Variants in SETBP1 observed in about 807,000 individuals in gnomAD.
SETBP1 encodes SET binding protein 1.
Under a neutral mutation model 101.0 loss-of-function variants are expected in SETBP1, and 9 were observed. That is an observed-to-expected ratio of 0.09 (90% CI 0.05 to 0.16). The LOEUF is 0.16. Among genes scored for constraint, SETBP1 ranks in the 10% least tolerant of loss-of-function variants. SETBP1 has a pLI of 1.00. For missense variants in SETBP1, 1,858 were observed against 2,033.8 expected (o/e 0.91, Z 1.66); for synonymous variants, 818 against 788.5 (o/e 1.04, Z -0.63).
intron 1 of SETBP1, among the ~76,000 whole-genome samples, chr18:44,697,981 T>C (rs2069048677): frequency 6.6e-6 from 1 of 152,204 alleles, no homozygotes; most frequent in Admixed American, 6.5e-5. Context: ...TTTTAAAAAA[T>C]ACAGAAAGAA....
chr18:44,810,276 G>A (rs751940263), intron 2 of SETBP1, among the ~76,000 whole-genome samples: 1 of 152,196 alleles, frequency 6.6e-6, no homozygotes, highest in Admixed American at 6.5e-5. Context: ...TCTACCTGGC[G>A]CAGGCCCTCC....
At chr18:44,742,965 C>T (rs905921720) in intron 2 of SETBP1, among the ~76,000 whole-genome samples, 47 of 139,604 alleles carry the variant, frequency 3.4e-4, no homozygotes, top group Admixed American at 3.1e-3. Context: ...CTCTCTCTCT[C>T]TCTCTCCCCC....
intron 3 of SETBP1, among the ~76,000 whole-genome samples, chr18:44,876,133 A>G (rs547324767): frequency 2.6e-4 from 40 of 152,314 alleles, no homozygotes; most frequent in African/African-American, 9.1e-4. Context: ...TCCTTCCCCA[A>G]ACTCTCAAAG....
rs78373546 is a variant in SETBP1, at chr18:44,840,159, C to T, written c.487-29071C>T. 5.4e-3 allele frequency among the ~76,000 whole-genome samples: 824 copies of T among 152,294 alleles called. 8 individuals are homozygous for T. Among genetic ancestry groups the T allele is most frequent in the African/African-American group, 0.018 (749 of 41,544 alleles). On this transcript the variant is annotated intron_variant, in intron 2 of 5. Transcript: ENST00000649279. ...ACACTTCTCTTTATGAGGCTTACAA[C>T]GTTTATTGTCTCATTCCTCCATTTG...
intron 4 of SETBP1, among the ~76,000 whole-genome samples, chr18:44,997,534 G>A (rs545662364): frequency 6.6e-6 from 1 of 152,292 alleles, no homozygotes; most frequent in East Asian, 1.9e-4. Flanking sequence ...ATACAATGGA[G>A]CAATTCTTGA....
chr18:44,932,991 C>T (rs1265672846), intron 3 of SETBP1, among the ~76,000 whole-genome samples: 2 of 152,214 alleles, frequency 1.3e-5, no homozygotes, highest in African/African-American at 2.4e-5. Flanking sequence ...TTCCGTTGCT[C>T]ACAAGGAGCT....
At chr18:44,916,097 G>C (rs999122776) in intron 3 of SETBP1, among the ~76,000 whole-genome samples, 1 of 152,062 alleles carries the variant, frequency 6.6e-6, no homozygotes, top group Non-Finnish European at 1.5e-5. Flanking sequence ...ATGGTGGTAC[G>C]CGCCTGTAGT....
At chr18:44,689,894 G>A (rs1002618566) in intron 1 of SETBP1, among the ~76,000 whole-genome samples, 1 of 152,176 alleles carries the variant, frequency 6.6e-6, no homozygotes, top group African/African-American at 2.4e-5. Flanking sequence ...CCCCTAAGCT[G>A]AAATGGGGAG....
chr18:44,995,573 G>A (rs1164957876), intron 4 of SETBP1, among the ~76,000 whole-genome samples: 1 of 144,332 alleles, frequency 6.9e-6, no homozygotes, highest in East Asian at 2.2e-4. Context: ...GTGTGTGTGT[G>A]TATAAAATGT....
intron 5 of SETBP1, among the ~76,000 whole-genome samples, chr18:45,040,461 C>A (rs1040506420): frequency 6.6e-6 from 1 of 152,122 alleles, no homozygotes; most frequent in Non-Finnish European, 1.5e-5. Flanking sequence ...ATTGTCTGCA[C>A]CCACCCAGAT....
intron 2 of SETBP1, among the ~76,000 whole-genome samples, chr18:44,773,940 T>A (rs895886720): frequency 6.6e-6 from 1 of 151,372 alleles, no homozygotes; most frequent in Non-Finnish European, 1.5e-5. Flanking sequence ...GCATAGCTCC[T>A]AGGTGACATG....
intron 2 of SETBP1, among the ~76,000 whole-genome samples, chr18:44,731,485 T>G (rs1171233189): frequency 6.6e-6 from 1 of 152,182 alleles, no homozygotes; most frequent in Admixed American, 6.5e-5. Flanking sequence ...TGGGTTGTGA[T>G]TATGGCTTCA....
chr18:44,796,252 G>T (rs747305323), intron 2 of SETBP1, among the ~76,000 whole-genome samples: 17 of 152,268 alleles, frequency 1.1e-4, no homozygotes, highest in Non-Finnish European at 2.1e-4. Context: ...TTTCCCTTAG[G>T]ATTATGATTC....
At chr18:45,017,356 G>C in intron 4 of SETBP1, among the ~76,000 whole-genome samples, 1 of 152,188 alleles carries the variant, frequency 6.6e-6, no homozygotes, top group South Asian at 2.1e-4. Context: ...TGTGGACTCT[G>C]CAAAATGTGT....
At chr18:44,990,974 G>A (rs2072360343) in intron 4 of SETBP1, among the ~76,000 whole-genome samples, 1 of 150,856 alleles carries the variant, frequency 6.6e-6, no homozygotes, top group Non-Finnish European at 1.5e-5. Context: ...AAACGGGATG[G>A]GAGTGGTGGC....
At chr18:44,850,979 C>T (rs1016697775) in intron 2 of SETBP1, among the ~76,000 whole-genome samples, 3 of 152,144 alleles carry the variant, frequency 2.0e-5, no homozygotes, top group Non-Finnish European at 4.4e-5. Context: ...CTCCCAGTCT[C>T]CTATCAAAGA....
intron 2 of SETBP1, among the ~76,000 whole-genome samples, chr18:44,789,086 A>AG (rs1481041025): frequency 6.6e-6 from 1 of 152,134 alleles, no homozygotes; most frequent in Non-Finnish European, 1.5e-5. Flanking sequence ...TACAAGTGTG[A>AG]GCCACCGCAC....
chr18:44,828,753 G>A (rs577080264), intron 2 of SETBP1, among the ~76,000 whole-genome samples: 12 of 152,150 alleles, frequency 7.9e-5, no homozygotes, highest in Admixed American at 3.9e-4. Context: ...AAGTAATTGC[G>A]GTTAAGTAAG....
At chr18:44,714,677 G>A (rs1294375636) in intron 2 of SETBP1, among the ~76,000 whole-genome samples, 1 of 151,842 alleles carries the variant, frequency 6.6e-6, no homozygotes, top group Middle Eastern at 3.4e-3. Flanking sequence ...CAGAGCTGAA[G>A]CATCTTAATT....
Sources: gnomAD v4.1 joint callset for allele counts (sites outside exome capture counted in the v4.1 genomes callset) on GRCh38, gnomAD v4.1.1 for gene constraint, MANE v1.5 for transcripts, NCBI Gene and HGNC (gene_info 2026-07-23, HGNC 2026-07-21) for gene names.